The following MAP4K3 variants were observed in gnomAD, a reference collection of about 807,000 sequenced individuals.
MAP4K3 encodes the protein mitogen-activated protein kinase kinase kinase kinase 3.
In MAP4K3, 94 loss-of-function variants were observed where a neutral mutation model predicts 143.5. The ratio of observed to expected loss-of-function variants is 0.65; its 90% CI spans 0.55 to 0.78. The LOEUF (loss-of-function observed/expected upper bound fraction) is 0.78. MAP4K3 is among the 30% of genes least tolerant of loss of function. The probability of loss-of-function intolerance (pLI) is 0.00; values close to 1 mark genes in which losing one functional copy is unlikely to be tolerated. For synonymous variants in MAP4K3, 416 were observed against 347.2 expected, an observed-to-expected ratio of 1.20 and a Z score of -2.20; for missense variants, 1,077 against 1,068.1, an observed-to-expected ratio of 1.01 and a Z score of -0.12.
intron 16 of MAP4K3, 93 bp from the exon 17 acceptor site, chr2:39,293,361 T>G: frequency 1.2e-6 from 1 of 826,550 alleles, no homozygotes; most frequent in Non-Finnish European, 1.9e-6. Flanking sequence ...AACCATACAT[T>G]TTTTGAATGA....
At chr2:39,402,979 C>A (rs143227535) in intron 1 of MAP4K3, among the ~76,000 whole-genome samples, 1 of 152,032 alleles carries the variant, frequency 6.6e-6, no homozygotes, top group African/African-American at 2.4e-5. Context: ...TTGAAAGACA[C>A]AAACTACCAA....
At chr2:39,413,813 G>T (rs536688729) in intron 1 of MAP4K3, among the ~76,000 whole-genome samples, 1 of 151,848 alleles carries the variant, frequency 6.6e-6, no homozygotes, top group East Asian at 1.9e-4. Context: ...CCTCTTAAGT[G>T]AAGCTCTGCT....
intron 14 of MAP4K3, 60 bp from the exon 15 acceptor site, chr2:39,308,065 C>A: frequency 8.4e-7 from 1 of 1,195,074 alleles, no homozygotes; most frequent in Non-Finnish European, 1.2e-6. Context: ...GCCACAAATT[C>A]ACAAAGGGAA....
At chr2:39,330,463 C>T (rs1204841838) in intron 8 of MAP4K3, among the ~76,000 whole-genome samples, 1 of 152,068 alleles carries the variant, frequency 6.6e-6, no homozygotes, top group Admixed American at 6.6e-5. Context: ...GTGTTTCACA[C>T]ACACAAAAAG....
chr2:39,370,523 G>A (rs1362471664), intron 2 of MAP4K3, among the ~76,000 whole-genome samples: 2 of 152,114 alleles, frequency 1.3e-5, no homozygotes, highest in African/African-American at 4.8e-5. Flanking sequence ...AAGGCTGGCA[G>A]GAGAGAATAT....
At chr2:39,344,531 C>T (rs569300338) in intron 3 of MAP4K3, among the ~76,000 whole-genome samples, 4 of 152,292 alleles carry the variant, frequency 2.6e-5, no homozygotes, top group African/African-American at 9.6e-5. Context: ...GCTGCTTTCA[C>T]GCTAGAACAG....
chr2:39,345,921 CAAAAAA>C (rs66729858), intron 3 of MAP4K3, among the ~76,000 whole-genome samples: 2 of 15,842 alleles, frequency 1.3e-4, no homozygotes, highest in African/African-American at 2.1e-4. Flanking sequence ...GACTCTGTCT[CAAAAAA>C]AAAAAAAAAA....
intron 1 of MAP4K3, among the ~76,000 whole-genome samples, chr2:39,415,380 G>T (rs1368080069): frequency 6.8e-6 from 1 of 146,336 alleles, no homozygotes; most frequent in South Asian, 2.1e-4. Context: ...TGGTGCACAA[G>T]TAAGTAAGTA....
At chr2:39,431,621 G>A (rs1665292762) in intron 1 of MAP4K3, among the ~76,000 whole-genome samples, 1 of 152,134 alleles carries the variant, frequency 6.6e-6, no homozygotes, top group South Asian at 2.1e-4. Context: ...AACAGATATT[G>A]GTGGGGAGGG....
At chr2:39,365,799 G>A (rs942717856) in intron 2 of MAP4K3, among the ~76,000 whole-genome samples, 1 of 152,130 alleles carries the variant, frequency 6.6e-6, no homozygotes, top group South Asian at 2.1e-4. Flanking sequence ...CTTAGACTAC[G>A]AAAAATCAAC....
chr2:39,325,237 T>C (rs943733796), intron 12 of MAP4K3, among the ~76,000 whole-genome samples: 1 of 152,206 alleles, frequency 6.6e-6, no homozygotes, highest in Non-Finnish European at 1.5e-5. Context: ...TCACCAAAAA[T>C]GGCTATTTTG....
At chr2:39,392,183 C>CAGAAAA (rs373991069) in intron 1 of MAP4K3, among the ~76,000 whole-genome samples, 3 of 69,052 alleles carry the variant, frequency 4.3e-5, no homozygotes, top group African/African-American at 1.7e-4. Flanking sequence ...CACTCCTACT[C>CAGAAAA]AAAAAAAAAA....
chr2:39,389,140 A>C (rs180678091), intron 1 of MAP4K3, among the ~76,000 whole-genome samples: 53 of 152,310 alleles, frequency 3.5e-4, no homozygotes, highest in Admixed American at 6.5e-4. Context: ...ATGGGTCAGA[A>C]GCAAGAGGCT....
intron 12 of MAP4K3, among the ~76,000 whole-genome samples, chr2:39,321,547 G>A (rs1206678): frequency 0.99 from 150,122 of 152,206 alleles, 74,077 homozygotes; most frequent in Middle Eastern, 1. Flanking sequence ...GTGGGAAGGG[G>A]AAGACCTGAC....
In MAP4K3 at chr2:39,325,638, T is replaced by C. The variant is rs1461900110; in HGVS notation, c.808-10A>G. ...GTGTTACAAAAGGATGCTATAAAAA[T>C]TAAATACAATGCAGAACACTTACTA... On this transcript the variant is annotated splice_polypyrimidine_tract_variant and intron_variant, in intron 11 of 33. Transcript: ENST00000263881. 1.3e-6 allele frequency: 2 copies of C among 1,598,806 alleles called. No homozygotes were observed. The highest frequency in any genetic ancestry group is 2.7e-5 in the African/African-American group (2 of 74,570).
intron 21 of MAP4K3, among the ~76,000 whole-genome samples, chr2:39,285,372 T>A (rs114167530): frequency 1.3e-5 from 2 of 152,192 alleles, no homozygotes; most frequent in Non-Finnish European, 2.9e-5. Context: ...CTTAGTACCA[T>A]TGGAAAGGTT....
intron 2 of MAP4K3, among the ~76,000 whole-genome samples, chr2:39,370,476 C>T (rs1349826319): frequency 1.3e-5 from 2 of 152,146 alleles, no homozygotes; most frequent in African/African-American, 4.8e-5. Context: ...GCAGAAAGCA[C>T]CTCTACTACC....
intron 1 of MAP4K3, among the ~76,000 whole-genome samples, chr2:39,430,566 C>T (rs902211718): frequency 6.6e-6 from 1 of 151,892 alleles, no homozygotes; most frequent in Non-Finnish European, 1.5e-5. Context: ...TCTCTTGAAT[C>T]GAAGGTTTTT....
intron 26 of MAP4K3, among the ~76,000 whole-genome samples, chr2:39,268,889 C>G (rs1680893389): frequency 6.6e-6 from 1 of 151,854 alleles, no homozygotes; most frequent in Non-Finnish European, 1.5e-5. Context: ...ATCCACCGTG[C>G]CTGACTTCTA....
Sources: gnomAD v4.1 joint callset for allele counts (sites outside exome capture counted in the v4.1 genomes callset) on GRCh38, gnomAD v4.1.1 for gene constraint, MANE v1.5 for transcripts, NCBI Gene and HGNC (gene_info 2026-07-23, HGNC 2026-07-21) for gene names.